ST6GAL1: variants seen among roughly 807,000 people sequenced by gnomAD.
ST6GAL1 encodes the protein ST6 beta-galactoside alpha-2,6-sialyltransferase 1.
A neutral mutation model predicts 38.0 loss-of-function variants in ST6GAL1; 20 were observed. The observed-to-expected ratio is 0.53, with a 90% confidence interval of 0.37 to 0.77. ST6GAL1 has a LOEUF of 0.77. Among genes scored for constraint, ST6GAL1 ranks in the 30% least tolerant of loss-of-function variants. ST6GAL1 has a pLI of 0.00. For synonymous variants in ST6GAL1, 196 were observed against 188.2 expected (o/e 1.04, Z -0.34); for missense variants, 432 against 496.4 (o/e 0.87, Z 1.23).
intron 2 of ST6GAL1, among the ~76,000 whole-genome samples, chr3:186,977,493 T>C (rs1715559038): frequency 6.6e-6 from 1 of 152,188 alleles, no homozygotes; most frequent in Non-Finnish European, 1.5e-5. Context: ...CCCTGCCAGG[T>C]TGTCATGTGA....
At chr3:187,031,032 A>G (rs1717729129) in intron 2 of ST6GAL1, among the ~76,000 whole-genome samples, 1 of 152,182 alleles carries the variant, frequency 6.6e-6, no homozygotes, top group Non-Finnish European at 1.5e-5. Flanking sequence ...ACATGACTGA[A>G]CATTTCCTAG....
intron 1 of ST6GAL1, among the ~76,000 whole-genome samples, chr3:186,933,020 C>T (rs1316761538): frequency 6.6e-6 from 1 of 152,208 alleles, no homozygotes; most frequent in Non-Finnish European, 1.5e-5. Context: ...GTGAAACCCC[C>T]ACCTCCAGGC....
intron 2 of ST6GAL1, among the ~76,000 whole-genome samples, chr3:187,036,619 G>C (rs890487706): frequency 5.9e-5 from 9 of 152,196 alleles, no homozygotes; most frequent in African/African-American, 2.2e-4. Context: ...GCAGCTGGAA[G>C]CCATTATCCT....
intron 2 of ST6GAL1, among the ~76,000 whole-genome samples, chr3:187,031,820 G>A (rs934524892): frequency 6.6e-6 from 1 of 152,224 alleles, no homozygotes; most frequent in African/African-American, 2.4e-5. Context: ...AGATAAAGAT[G>A]TCTTAAATCT....
intron 5 of ST6GAL1, among the ~76,000 whole-genome samples, chr3:187,069,701 G>A (rs1258802857): frequency 2.0e-5 from 3 of 152,064 alleles, no homozygotes; most frequent in Non-Finnish European, 2.9e-5. Context: ...ATAACCTACT[G>A]AAGAAATCCT....
chr3:186,939,743 C>G (rs1348426526), intron 1 of ST6GAL1, among the ~76,000 whole-genome samples: 2 of 152,174 alleles, frequency 1.3e-5, no homozygotes, highest in Non-Finnish European at 2.9e-5. Context: ...CTGCCGGTCT[C>G]TCATGCCGAA....
chr3:187,004,385 G>T (rs1309467588), intron 2 of ST6GAL1, among the ~76,000 whole-genome samples: 1 of 152,248 alleles, frequency 6.6e-6, no homozygotes, highest in East Asian at 1.9e-4. Context: ...CAGCCCCAGA[G>T]CCCAGGACTT....
rs1315985415 is a variant in ST6GAL1 at position 186,952,980 on chromosome 3, T to G, written c.-324-10805T>G. On this transcript the variant is annotated intron_variant, in intron 1 of 7. Transcript: ENST00000169298. The surrounding 1 kb of genome is among the most constrained non-coding windows in gnomAD (Gnocchi z 4.1). ...TCTTTCTCTCATGCTGCACCCACTCTGTTAGCAAACCATGTCAGCTGTGCT... is the reference window on the plus strand; with the variant it reads ...TCTTTCTCTCATGCTGCACCCACTCGGTTAGCAAACCATGTCAGCTGTGCT... 2.6e-5 allele frequency among the ~76,000 whole-genome samples: 4 copies of G among 152,360 alleles called. No homozygotes were observed. Among genetic ancestry groups the G allele is most frequent in the African/African-American group, 9.6e-5 (4 of 41,592 alleles).
chr3:187,075,616 C>T lies in ST6GAL1; in HGVS notation c.1034C>T (p.Pro345Leu). Residue 345 changes from proline to leucine, a missense_variant, in exon 8 of 8, where the codon CCA (proline) becomes CTA (leucine). Transcript: ENST00000169298. This position sits in a 1 kb window ranked among gnomAD's most constrained non-coding sequence, Gnocchi z 4.1. ...CDQVDIYEFL[P>L]SKRKTDVCYY... ...CAGGTGGATATTTATGAGTTCCTCC[C>T]ATCCAAGCGCAAGACTGACGTGTGC... 1 of 1,614,132 alleles carries T rather than the reference C, an allele frequency of 6.2e-7. No individual in the cohort carries two copies. Among genetic ancestry groups the T allele is most frequent in the Non-Finnish European group, 8.5e-7 (1 of 1,180,016 alleles).
At chr3:186,985,985 G>A (rs1268609228) in intron 2 of ST6GAL1, among the ~76,000 whole-genome samples, 1 of 152,150 alleles carries the variant, frequency 6.6e-6, no homozygotes, top group Non-Finnish European at 1.5e-5. Flanking sequence ...ACCCAGAGAC[G>A]CCTGTTTGAA....
At chr3:186,954,293 T>C (rs569971898) in intron 1 of ST6GAL1, among the ~76,000 whole-genome samples, 1 of 152,342 alleles carries the variant, frequency 6.6e-6, no homozygotes, top group Admixed American at 6.5e-5. Flanking sequence ...GATGAACATA[T>C]GCGTGCATGT....
intron 2 of ST6GAL1, among the ~76,000 whole-genome samples, chr3:187,002,719 AG>A (rs961082570): frequency 6.6e-5 from 10 of 152,326 alleles, no homozygotes; most frequent in African/African-American, 2.4e-4. Flanking sequence ...ATCAGCAGAA[AG>A]GGTTCTGAAA....
rs538332625 is a variant in ST6GAL1, at chr3:186,962,859, G to GGTAC, written c.-324-922_-324-919dup. Reference sequence around the variant, plus strand: ...ATACATGGCTCATTGGAGATCCTTGGGTACGTATATATTATGCAGCCATTA... The same window carrying GGTAC: ...ATACATGGCTCATTGGAGATCCTTGGGTACGTACGTATATATTATGCAGCCATTA... On this transcript the variant is annotated intron_variant, in intron 1 of 7. Transcript: ENST00000169298. Among the ~76,000 whole-genome samples, 94 of 152,164 alleles carry GGTAC rather than the reference G, an allele frequency of 6.2e-4. 1 individual carries two copies. The South Asian group carries it at 0.019, about 31-fold the overall frequency.
rs78496954 is a variant in ST6GAL1 at position 187,031,623 on chromosome 3, C to T, written c.-182-7119C>T. On this transcript the variant is annotated intron_variant, in intron 2 of 7. Coordinates refer to ENST00000169298, the MANE Select transcript of ST6GAL1 (RefSeq NM_173216.2). ...GCTAGTTTTGTATTTTTAGTAGAGA[C>T]GGGTTTTCACCATGTTGGTCAGGCT... 6.6e-5 allele frequency among the ~76,000 whole-genome samples: 10 copies of T among 152,064 alleles called. 1 individual carries two copies. Among genetic ancestry groups the T allele is most frequent in the East Asian group, 3.9e-4 (2 of 5,164 alleles).
intron 1 of ST6GAL1, among the ~76,000 whole-genome samples, chr3:186,954,405 A>G (rs1312653957): frequency 1.3e-5 from 2 of 152,222 alleles, no homozygotes; most frequent in Non-Finnish European, 2.9e-5. Context: ...AGGACTCACC[A>G]CACTGTCTTC....
intron 1 of ST6GAL1, among the ~76,000 whole-genome samples, chr3:186,963,447 G>A (rs962552876): frequency 3.3e-5 from 5 of 152,232 alleles, no homozygotes; most frequent in African/African-American, 9.6e-5. Context: ...TGTAGTTGTT[G>A]ATTGAAATCC....
At chr3:187,069,291 C>T (rs895607869) in intron 5 of ST6GAL1, among the ~76,000 whole-genome samples, 17 of 152,154 alleles carry the variant, frequency 1.1e-4, no homozygotes, top group Non-Finnish European at 1.6e-4. Flanking sequence ...CTTGCCACCA[C>T]GCCTGGCTAA....
intron 5 of ST6GAL1, among the ~76,000 whole-genome samples, chr3:187,067,246 C>T (rs910308246): frequency 4.6e-5 from 7 of 151,618 alleles, no homozygotes; most frequent in Non-Finnish European, 1.0e-4. Context: ...GCCACCACGC[C>T]TGGCTAATTT....
chr3:186,937,820 C>G (rs1402978439), intron 1 of ST6GAL1, among the ~76,000 whole-genome samples: 1 of 152,148 alleles, frequency 6.6e-6, no homozygotes, highest in Non-Finnish European at 1.5e-5. Context: ...CTCCTGTAAT[C>G]CCAGCACTTT....
Sources: allele counts gnomAD v4.1 joint callset (sites outside exome capture counted in the v4.1 genomes callset), GRCh38; gene constraint gnomAD v4.1.1; non-coding constraint Gnocchi (gnomAD v3.1); transcripts MANE v1.5; gene names NCBI Gene and HGNC (gene_info 2026-07-23, HGNC 2026-07-21).